The following CRHR1 variants were observed in gnomAD, a reference collection of about 807,000 sequenced individuals.
CRHR1 encodes the protein corticotropin-releasing hormone receptor 1.
A neutral mutation model predicts 56.0 loss-of-function variants in CRHR1; 28 were observed. The ratio of observed to expected loss-of-function variants is 0.50; its 90% CI spans 0.37 to 0.69. The LOEUF is 0.69. CRHR1 is among the 30% of genes least tolerant of loss of function. The probability of loss-of-function intolerance (pLI) is 0.00; values close to 1 mark genes in which losing one functional copy is unlikely to be tolerated. For missense variants in CRHR1, 376 were observed against 548.0 expected, an observed-to-expected ratio of 0.69 and a Z score of 3.13; for synonymous variants, 195 against 216.5, an observed-to-expected ratio of 0.90 and a Z score of 0.87.
At chr17:45,810,208 C>T (rs938366668) in intron 2 of CRHR1, among the ~76,000 whole-genome samples, 1 of 152,126 alleles carries the variant, frequency 6.6e-6, no homozygotes. Flanking sequence ...TCGCTTGAGC[C>T]TCAGAGGCCG....
chr17:45,819,837 G>A (rs906186669), intron 3 of CRHR1, among the ~76,000 whole-genome samples: 1 of 152,196 alleles, frequency 6.6e-6, no homozygotes, highest in Non-Finnish European at 1.5e-5. Context: ...GGGGAGTAGT[G>A]CGAGAGAGGA....
At chr17:45,792,724 G>A (rs898036884) in intron 1 of CRHR1, among the ~76,000 whole-genome samples, 2 of 152,118 alleles carry the variant, frequency 1.3e-5, no homozygotes. Context: ...CCTGGTGTGA[G>A]CCTCTAGCTC....
intron 1 of CRHR1, among the ~76,000 whole-genome samples, chr17:45,801,274 G>A (rs928634180): frequency 4.6e-5 from 7 of 152,164 alleles, no homozygotes; most frequent in African/African-American, 1.2e-4. Context: ...CAGAAGGCGC[G>A]ACTGTCTTCA....
chr17:45,833,733 C>T lies in CRHR1; in HGVS notation c.949C>T (p.Leu317=). The T allele has an allele frequency of 2.5e-6, 4 of 1,599,956 alleles. No homozygotes were observed. The highest frequency in any genetic ancestry group is 3.4e-6 in the Non-Finnish European group (4 of 1,169,554). ...IQYRKAVKAT[L]VLLPLLGITY... is the part of the protein sequence containing the mutation. The stretch of plus-strand genomic sequence containing the variant: ...CCCCAGGAAGGCTGTGAAAGCCACT[C>T]TGGTGCTGCTGCCCCTCCTGGGCAT... Residue 317 remains leucine (L), a synonymous_variant, in exon 11 of 13, where the codon CTG becomes TTG. Coordinates refer to ENST00000314537, the MANE Select transcript of CRHR1 (RefSeq NM_004382.5).
At chr17:45,791,242 G>A (rs2061420099) in intron 1 of CRHR1, among the ~76,000 whole-genome samples, 2 of 152,090 alleles carry the variant, frequency 1.3e-5, no homozygotes. Context: ...TGGGTGGGCT[G>A]GAAAAGCAAA....
At chr17:45,821,826 GC>G (rs1412042034) in intron 4 of CRHR1, among the ~76,000 whole-genome samples, 1 of 152,244 alleles carries the variant, frequency 6.6e-6, no homozygotes, top group Non-Finnish European at 1.5e-5. Context: ...TCCAGTTCCA[GC>G]CACAGGGCTG....
chr17:45,820,307 G>T (rs1159125239), intron 3 of CRHR1, among the ~76,000 whole-genome samples: 1 of 152,202 alleles, frequency 6.6e-6, no homozygotes, highest in Non-Finnish European at 1.5e-5. Flanking sequence ...ACAGGGTGGG[G>T]TGGGGCAACC....
chr17:45,797,061 T>G (rs1014842791), intron 1 of CRHR1, among the ~76,000 whole-genome samples: 3 of 152,214 alleles, frequency 2.0e-5, no homozygotes, highest in African/African-American at 7.2e-5. Flanking sequence ...TTGACCTGGA[T>G]GTACACTCCA....
chr17:45,796,717 C>T (rs1235528299), intron 1 of CRHR1, among the ~76,000 whole-genome samples: 1 of 152,040 alleles, frequency 6.6e-6, no homozygotes, highest in African/African-American at 2.4e-5. Flanking sequence ...AAGAAATTCA[C>T]AGGGCCTGGC....
chr17:45,810,175 C>T lies in CRHR1; in HGVS notation c.121+3078C>T, dbSNP rs189802473. 3.3e-3 allele frequency among the ~76,000 whole-genome samples: 497 copies of T among 152,236 alleles called. 5 individuals carry two copies. The highest frequency in any genetic ancestry group is 0.012 in the African/African-American group (484 of 41,530). On this transcript the variant is annotated intron_variant, in intron 2 of 12. Coordinates refer to ENST00000314537, the MANE Select transcript of CRHR1 (RefSeq NM_004382.5). ...TGGTGGGCGCCTATAATCCCAGCTA[C>T]TCAGGAGGCTGAGGCATGAGAATCG... is the stretch of plus-strand genomic sequence containing the variant.
intron 8 of CRHR1, among the ~76,000 whole-genome samples, chr17:45,832,791 T>C (rs1376124574): frequency 6.6e-6 from 1 of 152,240 alleles, no homozygotes; most frequent in Non-Finnish European, 1.5e-5. Context: ...GAGGGCATGC[T>C]GGGCCTCAGC....
chr17:45,821,410 C>T lies in CRHR1; in HGVS notation c.297C>T (p.Tyr99=). ...GCAGCTGGGCCGCCCGCGTGAATTA[C>T]TCCGAGTGCCAGGAGATCCTCAATG... The part of the protein sequence containing the change: ...ANGSWAARVN[Y]SECQEILNEE... The change falls in exon 4 of 13, where the codon TAC becomes TAT. Residue 99 remains tyrosine, a synonymous_variant. Coordinates refer to ENST00000314537, the MANE Select transcript of CRHR1 (RefSeq NM_004382.5). The T allele has an allele frequency of 2.5e-6, 4 of 1,613,284 alleles. No homozygotes were observed. The highest frequency in any genetic ancestry group is 2.5e-6 in the Non-Finnish European group (3 of 1,180,044).
At chr17:45,820,111 T>G (rs2062010859) in intron 3 of CRHR1, among the ~76,000 whole-genome samples, 1 of 152,020 alleles carries the variant, frequency 6.6e-6, no homozygotes, top group Non-Finnish European at 1.5e-5. Context: ...GGACTGGGAC[T>G]CCAGCAGCTT....
intron 2 of CRHR1, among the ~76,000 whole-genome samples, chr17:45,815,431 C>G (rs1443183969): frequency 6.6e-6 from 1 of 152,238 alleles, no homozygotes; most frequent in Admixed American, 6.5e-5. Context: ...CGTGCTCTCT[C>G]TCTCTCCTCC....
At chr17:45,832,931 T>A (rs1181045127) in intron 8 of CRHR1, among the ~76,000 whole-genome samples, 1 of 152,256 alleles carries the variant, frequency 6.6e-6, no homozygotes, top group Non-Finnish European at 1.5e-5. Context: ...TTGCATCTCA[T>A]CACAGAGGAT....
intron 1 of CRHR1, among the ~76,000 whole-genome samples, chr17:45,804,643 C>T (rs982331921): frequency 4.6e-5 from 7 of 151,666 alleles, no homozygotes; most frequent in South Asian, 2.1e-4. Context: ...TCCTGAGATC[C>T]GAAAAGGGTG....
At chr17:45,821,257 G>A (rs909054023) in intron 3 of CRHR1, 98 bp from the exon 4 acceptor site, 9 of 1,078,800 alleles carry the variant, frequency 8.3e-6, no homozygotes, top group Non-Finnish European at 1.3e-5. Flanking sequence ...TGCCTGTACT[G>A]GCCATCTACA....
chr17:45,830,391 A>G (rs2062274120), intron 6 of CRHR1, 26 bp from the exon 7 acceptor site: 2 of 1,592,680 alleles, frequency 1.3e-6, no homozygotes, highest in South Asian at 2.3e-5. Context: ...CCCCATCATC[A>G]TCTCTGGTTG....
intron 3 of CRHR1, 125 bp downstream of exon 3, chr17:45,816,707 G>T (rs2143065810): frequency 6.9e-7 from 1 of 1,455,324 alleles, no homozygotes; most frequent in East Asian, 2.3e-5. Context: ...GATCGCCCCT[G>T]TTTTCCAAAG....
Sources: gnomAD v4.1 joint callset for allele counts (sites outside exome capture counted in the v4.1 genomes callset) on GRCh38, gnomAD v4.1.1 for gene constraint, MANE v1.5 for transcripts, NCBI Gene and HGNC (gene_info 2026-07-23, HGNC 2026-07-21) for gene names.